Variants in ZC3H12B observed in about 807,000 individuals in gnomAD.
The protein encoded by ZC3H12B is probable ribonuclease ZC3H12B.
ZC3H12B carries 7 observed loss-of-function variants against 43.9 expected under a neutral mutation model. That is an observed-to-expected ratio of 0.16 (90% CI 0.09 to 0.30). The LOEUF (loss-of-function observed/expected upper bound fraction) is 0.30, where lower values mean the gene tolerates loss of function less well. Ranked by LOEUF, ZC3H12B falls within the 10% of genes least tolerant of loss-of-function variation. The pLI, the probability that ZC3H12B is intolerant of heterozygous loss-of-function variation, is 1.00. For missense variants in ZC3H12B, 475 were observed against 670.2 expected (o/e 0.71, Z 3.22); for synonymous variants, 222 against 241.7 (o/e 0.92, Z 0.76).
the ZC3H12B span, among the ~76,000 whole-genome samples, chrX:65,319,449 A>G: frequency 1.0e-5 from 1 of 97,515 alleles, no homozygotes; most frequent in Non-Finnish European, 1.9e-5. Context: ...TCCTATCCAG[A>G]AAAAAACACA....
chrX:65,155,584 G>A, the ZC3H12B span, among the ~76,000 whole-genome samples: 5 of 111,832 alleles, frequency 4.5e-5, no homozygotes, highest in African/African-American at 1.3e-4. Flanking sequence ...CAGGCATGAT[G>A]GCTTATGCCT....
At chrX:65,308,510 G>A in the ZC3H12B span, among the ~76,000 whole-genome samples, 1 of 111,532 alleles carries the variant, frequency 9.0e-6, no homozygotes, top group South Asian at 3.8e-4. Context: ...GACCTACAAA[G>A]AGACTTAGAC....
the ZC3H12B span, among the ~76,000 whole-genome samples, chrX:65,084,149 A>G: frequency 1.8e-5 from 2 of 112,363 alleles, no homozygotes; most frequent in South Asian, 3.6e-4. Flanking sequence ...TCAAAATATG[A>G]AATTATTACA....
chrX:65,252,613 G>A, the ZC3H12B span, among the ~76,000 whole-genome samples: 2 of 111,613 alleles, frequency 1.8e-5, no homozygotes, highest in Non-Finnish European at 3.8e-5. Flanking sequence ...TGTTTCTGGA[G>A]TTTGCCCTTG....
intron 2 of ZC3H12B, among the ~76,000 whole-genome samples, chrX:65,373,119 T>A (rs979993465): frequency 9.8e-5 from 11 of 112,138 alleles, no homozygotes; most frequent in African/African-American, 3.6e-4. Context: ...GATTATGCCA[T>A]TCACCCCACA....
chrX:65,293,035 C>T, the ZC3H12B span, among the ~76,000 whole-genome samples: 9 of 112,180 alleles, frequency 8.0e-5, no homozygotes, highest in South Asian at 1.1e-3. Flanking sequence ...AATACTTTGA[C>T]ATGAAGCAAC....
chrX:65,284,513 G>A, the ZC3H12B span, among the ~76,000 whole-genome samples: 3 of 111,884 alleles, frequency 2.7e-5, no homozygotes, highest in Admixed American at 2.8e-4. Flanking sequence ...TGTAATCTCA[G>A]CACTTTGGGA....
exon 5 of ZC3H12B, chrX:65,507,503 G>C (rs1320006177): frequency 2.7e-5 from 3 of 112,400 alleles, no homozygotes; most frequent in Admixed American, 1.9e-4. Flanking sequence ...TACATAGATT[G>C]ACTATTTTTA....
chrX:65,058,022 G>T, the ZC3H12B span, among the ~76,000 whole-genome samples: 3 of 111,901 alleles, frequency 2.7e-5, no homozygotes. Flanking sequence ...TTTGCGATGT[G>T]TTCGAACTTC....
At chrX:65,275,361 C>T in the ZC3H12B span, among the ~76,000 whole-genome samples, 1 of 112,972 alleles carries the variant, frequency 8.9e-6, no homozygotes, top group Admixed American at 9.3e-5. Flanking sequence ...CAGGCTGCTC[C>T]TGGCAGTCAT....
the ZC3H12B span, among the ~76,000 whole-genome samples, chrX:65,286,604 T>TAC: frequency 2.7e-5 from 3 of 110,505 alleles, no homozygotes; most frequent in East Asian, 5.7e-4. Flanking sequence ...TGTGTGTATA[T>TAC]ACACACACAC....
At chrX:65,176,951 G>A in the ZC3H12B span, among the ~76,000 whole-genome samples, 1 of 111,844 alleles carries the variant, frequency 8.9e-6, no homozygotes, top group African/African-American at 3.3e-5. Flanking sequence ...CATCCTGATA[G>A]CAAAATCTGG....
At chrX:65,387,946 T>C (rs1468843397) in intron 2 of ZC3H12B, among the ~76,000 whole-genome samples, 1 of 112,246 alleles carries the variant, frequency 8.9e-6, no homozygotes, top group Non-Finnish European at 1.9e-5. Context: ...AATTCTTTTC[T>C]ATAAGGATGT....
At chrX:65,353,590 C>T in the ZC3H12B span, among the ~76,000 whole-genome samples, 5 of 111,871 alleles carry the variant, frequency 4.5e-5, no homozygotes, top group African/African-American at 1.6e-4. Context: ...ACCCCAGTGA[C>T]GCCTGGAATG....
chrX:65,502,820 C>T, exon 5 of ZC3H12B: 2 of 1,209,915 alleles, frequency 1.7e-6, no homozygotes, highest in Non-Finnish European at 2.2e-6. Context: ...TTCCGACTCC[C>T]GCCTCTATGA....
intron 3 of ZC3H12B, among the ~76,000 whole-genome samples, chrX:65,426,009 T>G (rs1364223707): frequency 9.0e-6 from 1 of 111,174 alleles, no homozygotes; most frequent in African/African-American, 3.3e-5. Context: ...CTTTTTAATT[T>G]TTTGAAATAG....
At chrX:65,421,947 CAA>C (rs113194708) in intron 3 of ZC3H12B, among the ~76,000 whole-genome samples, 18 of 70,591 alleles carry the variant, frequency 2.5e-4, no homozygotes, top group African/African-American at 2.8e-4. Context: ...GACTCCATCT[CAA>C]AAAAAAAAAA....
intron 1 of ZC3H12B, among the ~76,000 whole-genome samples, chrX:65,367,099 T>C (rs2066183721): frequency 8.9e-6 from 1 of 112,260 alleles, no homozygotes; most frequent in Non-Finnish European, 1.9e-5. Context: ...CAGAACTTTC[T>C]TCTTAGTGTC....
At chrX:65,046,749 C>T in the ZC3H12B span, among the ~76,000 whole-genome samples, 1 of 111,506 alleles carries the variant, frequency 9.0e-6, no homozygotes, top group Non-Finnish European at 1.9e-5. Flanking sequence ...TTTGATATGC[C>T]TTCTTCACTA....
Sources: gnomAD v4.1 joint callset for allele counts (sites outside exome capture counted in the v4.1 genomes callset) on GRCh38, gnomAD v4.1.1 for gene constraint, MANE v1.5 for transcripts, NCBI Gene and HGNC (gene_info 2026-07-23, HGNC 2026-07-21) for gene names.